The following RYK variants were observed in gnomAD, a reference collection of about 807,000 sequenced individuals.
RYK encodes inactive tyrosine-protein kinase RYK.
RYK carries 21 observed loss-of-function variants against 70.2 expected under a neutral mutation model. The observed-to-expected ratio is 0.30, with a 90% CI of 0.21 to 0.43. RYK has a LOEUF of 0.43. RYK is among the 20% of genes least tolerant of loss of function. RYK has a pLI of 1.00. For missense variants in RYK, 604 were observed against 753.3 expected (o/e 0.80, Z 2.32); for synonymous variants, 267 against 278.0 (o/e 0.96, Z 0.39).
chr3:134,195,268 C>G, intron 6 of RYK, 86 bp from the exon 7 acceptor site: 1 of 875,788 alleles, frequency 1.1e-6, no homozygotes, highest in South Asian at 1.5e-5. Flanking sequence ...TGCACATAGC[C>G]ATTAAAACCA....
intron 1 of RYK, among the ~76,000 whole-genome samples, chr3:134,227,235 A>G (rs1304915724): frequency 1.3e-5 from 2 of 152,204 alleles, no homozygotes; most frequent in African/African-American, 4.8e-5. Context: ...AGATCTCTAC[A>G]CTGAAAACTA....
intron 11 of RYK, among the ~76,000 whole-genome samples, chr3:134,176,707 C>G (rs1394693645): frequency 6.6e-6 from 1 of 151,928 alleles, no homozygotes; most frequent in African/African-American, 2.4e-5. Flanking sequence ...GATCACACCA[C>G]TGCCCTCTAC....
At chr3:134,243,812 G>A (rs1345557786) in intron 1 of RYK, among the ~76,000 whole-genome samples, 3 of 152,038 alleles carry the variant, frequency 2.0e-5, no homozygotes, top group Admixed American at 1.3e-4. Flanking sequence ...TCAAAAGTAA[G>A]TGCTCCTACA....
chr3:134,176,832 C>T (rs988830941), intron 11 of RYK, among the ~76,000 whole-genome samples: 4 of 152,014 alleles, frequency 2.6e-5, no homozygotes, highest in Non-Finnish European at 4.4e-5. Flanking sequence ...AGGCAGATCA[C>T]GAGGTCAGGA....
At chr3:134,190,946 A>T (rs2013623821) in intron 8 of RYK, among the ~76,000 whole-genome samples, 1 of 152,208 alleles carries the variant, frequency 6.6e-6, no homozygotes, top group Non-Finnish European at 1.5e-5. Context: ...ACAAGTGGCA[A>T]TCATGCATTT....
chr3:134,164,716 C>T (rs918294319), intron 13 of RYK, among the ~76,000 whole-genome samples: 3 of 152,186 alleles, frequency 2.0e-5, no homozygotes, highest in East Asian at 1.9e-4. Context: ...TGAACATCTG[C>T]GTAGTGTTGG....
chr3:134,175,472 A>T, intron 13 of RYK, 137 bp downstream of exon 13: 2 of 963,830 alleles, frequency 2.1e-6, no homozygotes, highest in Non-Finnish European at 3.1e-6. Context: ...GCAGCTAATT[A>T]CACTTGCTTT....
At chr3:134,250,359 C>A in intron 1 of RYK, 64 bp downstream of exon 1, 1 of 1,074,494 alleles carries the variant, frequency 9.3e-7, no homozygotes, top group African/African-American at 1.7e-5. Context: ...ACTGATCCGC[C>A]GGCGGCCGGA....
rs1340208011 is a variant in RYK, at chr3:134,183,911, C to T, written c.1103-840G>A. 2.0e-5 allele frequency among the ~76,000 whole-genome samples: 3 copies of T among 152,150 alleles called. No individual in the cohort carries two copies. In the East Asian group the frequency reaches 5.8e-4, roughly 29 times the overall value. On this transcript the variant is annotated intron_variant, in intron 9 of 14. Coordinates refer to ENST00000623711, the MANE Select transcript of RYK (RefSeq NM_002958.4). ...TATATTAAATTTCAAAAACAAGGTA[C>T]AACTTGTGTTTACATATCCTAATAT...
chr3:134,167,895 C>T (rs1346987001), intron 13 of RYK, among the ~76,000 whole-genome samples: 1 of 152,082 alleles, frequency 6.6e-6, no homozygotes, highest in Non-Finnish European at 1.5e-5. Flanking sequence ...GGCTAATATC[C>T]AGAATCTACA....
At chr3:134,242,761 A>G (rs2015357965) in intron 1 of RYK, among the ~76,000 whole-genome samples, 1 of 152,270 alleles carries the variant, frequency 6.6e-6, no homozygotes, top group Non-Finnish European at 1.5e-5. Flanking sequence ...CATTTTAGGC[A>G]GCACCTTTGG....
At chr3:134,209,940 C>G (rs2014336342) in intron 3 of RYK, 111 bp from the exon 4 acceptor site, 1 of 856,066 alleles carries the variant, frequency 1.2e-6, no homozygotes, top group South Asian at 1.9e-5. Context: ...TGCAAGAAAA[C>G]TAAAAGTAAT....
chr3:134,186,823 C>G (rs1465260100), intron 9 of RYK, among the ~76,000 whole-genome samples: 1 of 151,492 alleles, frequency 6.6e-6, no homozygotes, highest in Non-Finnish European at 1.5e-5. Context: ...AATAATAGCC[C>G]AGTTCTACAC....
intron 13 of RYK, among the ~76,000 whole-genome samples, chr3:134,173,424 C>A (rs1389953954): frequency 2.6e-5 from 4 of 152,148 alleles, no homozygotes; most frequent in Admixed American, 6.5e-5. Context: ...ATACCCAAGA[C>A]TGAGTAATTT....
At chr3:134,222,359 C>T (rs984239395) in intron 2 of RYK, 59 bp downstream of exon 2, 8 of 1,598,510 alleles carry the variant, frequency 5.0e-6, no homozygotes, top group Non-Finnish European at 6.8e-6. Context: ...TCAAACACAG[C>T]CCTTGCCTCT....
chr3:134,213,111 C>T (rs1051988157), intron 2 of RYK, among the ~76,000 whole-genome samples: 1 of 152,130 alleles, frequency 6.6e-6, no homozygotes, highest in Non-Finnish European at 1.5e-5. Context: ...GAGCCACAGC[C>T]AAGCAAGTTT....
intron 8 of RYK, 144 bp from the exon 9 acceptor site, chr3:134,189,067 A>C (rs2013562951): frequency 2.0e-6 from 1 of 502,164 alleles, no homozygotes; most frequent in African/African-American, 2.0e-5. Flanking sequence ...AAAAAGACCC[A>C]AATCTTTGGT....
chr3:134,235,224 T>C (rs2015170035), intron 1 of RYK, among the ~76,000 whole-genome samples: 2 of 152,076 alleles, frequency 1.3e-5, no homozygotes, highest in African/African-American at 4.8e-5. Context: ...TGGTTTCAAC[T>C]ACATAAAGAA....
intron 1 of RYK, among the ~76,000 whole-genome samples, chr3:134,222,996 G>A (rs2014786289): frequency 6.6e-6 from 1 of 152,204 alleles, no homozygotes; most frequent in South Asian, 2.1e-4. Flanking sequence ...TCCAGCCAGA[G>A]ATGACCTCCA....
Sources: allele counts gnomAD v4.1 joint callset (sites outside exome capture counted in the v4.1 genomes callset), GRCh38; gene constraint gnomAD v4.1.1; transcripts MANE v1.5; gene names NCBI Gene and HGNC (gene_info 2026-07-23, HGNC 2026-07-21).